The following ADARB1 variants were observed in gnomAD, a reference collection of about 807,000 sequenced individuals.
ADARB1 encodes the protein double-stranded RNA-specific editase 1.
A neutral mutation model predicts 52.4 loss-of-function variants in ADARB1; 10 were observed. That is an observed-to-expected ratio of 0.19 (90% CI 0.12 to 0.32). ADARB1 has a LOEUF of 0.32. ADARB1 is among the 10% of genes least tolerant of loss of function. The probability of loss-of-function intolerance (pLI) is 1.00; values close to 1 mark genes in which losing one functional copy is unlikely to be tolerated. For synonymous variants in ADARB1, 349 were observed against 371.1 expected (o/e 0.94, Z 0.68); for missense variants, 643 against 922.3 (o/e 0.70, Z 3.92).
chr21:45,127,646 C>T (rs2145826302), intron 1 of ADARB1, among the ~76,000 whole-genome samples: 1 of 152,244 alleles, frequency 6.6e-6, no homozygotes, highest in East Asian at 1.9e-4. Context: ...GAGCCACTTT[C>T]ACGCGCACCT....
At chr21:45,181,948 G>A (rs2091946916) in intron 5 of ADARB1, among the ~76,000 whole-genome samples, 1 of 152,250 alleles carries the variant, frequency 6.6e-6, no homozygotes, top group South Asian at 2.1e-4. Context: ...TGGTTCAGCT[G>A]CAGTGGATGC....
chr21:45,222,366 G>A lies in ADARB1; in HGVS notation c.*169G>A. 1 of 1,365,968 alleles carries A rather than the reference G, an allele frequency of 7.3e-7. No homozygotes were observed. Among genetic ancestry groups the A allele is most frequent in the African/African-American group, 1.5e-5 (1 of 67,050 alleles). The allele number at this position is 1,365,968 out of a possible 1,614,324, so 84.6% of individuals were successfully genotyped here. ...CCCAGCATCTCACATCAGACCTGGG[G>A]CAGGTGCGCAGTGTGGGGAGGGGAT... On this transcript the variant is annotated 3_prime_UTR_variant, in exon 11 of 11. Transcript: ENST00000348831.
chr21:45,205,370 G>A (rs944335243), intron 9 of ADARB1, among the ~76,000 whole-genome samples: 3 of 152,356 alleles, frequency 2.0e-5, no homozygotes, highest in South Asian at 2.1e-4. Context: ...ATTCATTCCT[G>A]TCTCAGCAGC....
At position 45,223,541 on chromosome 21, in the gene ADARB1, T is replaced by A; in HGVS notation, c.*1344T>A. ...CTGAGAGAAGTGCTCTGCCTGCCAGTGCAGTGCCCAGCTCCAAGGCTCTAG... is the reference window on the plus strand; with the variant it reads ...CTGAGAGAAGTGCTCTGCCTGCCAGAGCAGTGCCCAGCTCCAAGGCTCTAG... On this transcript the variant is annotated 3_prime_UTR_variant, in exon 11 of 11. Coordinates refer to ENST00000348831, the MANE Select transcript of ADARB1 (RefSeq NM_001112.4). 9.1e-6 allele frequency: 9 copies of A among 985,694 alleles called. No individual in the cohort carries two copies. The highest frequency in any genetic ancestry group is 1.1e-5 in the Non-Finnish European group (9 of 830,128). The allele number at this position is 985,694 out of a possible 1,614,324, so 61.1% of individuals were successfully genotyped here.
rs527910713 is a variant in ADARB1 at position 45,221,539 on chromosome 21, G to A, written c.1927-479G>A. Among the ~76,000 whole-genome samples the A allele has an allele frequency of 1.3e-5, 2 of 152,316 alleles. No homozygotes were observed. The highest frequency in any genetic ancestry group is 4.1e-4 in the South Asian group (2 of 4,826). On this transcript the variant is annotated intron_variant, in intron 10 of 10. Coordinates refer to ENST00000348831, the MANE Select transcript of ADARB1 (RefSeq NM_001112.4). This position sits in a 1 kb window ranked among gnomAD's most constrained non-coding sequence, Gnocchi z 4.9. ...TATTCTGAGACCAGCATTGTGCACT[G>A]GCATGGGAGGTATAGCCAGAAGGGA...
chr21:45,124,138 G>T (rs954718012), intron 1 of ADARB1, among the ~76,000 whole-genome samples: 6 of 152,036 alleles, frequency 3.9e-5, no homozygotes, highest in African/African-American at 1.2e-4. Context: ...ATGTTTGATC[G>T]CTTTAAAAAA....
chr21:45,122,502 AATTTGGAGTCATGCT>A (rs1180008665), intron 1 of ADARB1, among the ~76,000 whole-genome samples: 1 of 152,158 alleles, frequency 6.6e-6, no homozygotes, highest in African/African-American at 2.4e-5. Context: ...CAGCTTGACA[AATTTGGAGTCATGCT>A]ATTTTCAGAA....
intron 2 of ADARB1, among the ~76,000 whole-genome samples, chr21:45,160,053 ATAG>A (rs753599440): frequency 1.3e-5 from 2 of 152,226 alleles, no homozygotes; most frequent in Non-Finnish European, 2.9e-5. Context: ...ATTATCGATC[ATAG>A]TAGGCTGCTG....
chr21:45,184,077 A>G (rs538937825), intron 7 of ADARB1, among the ~76,000 whole-genome samples: 2 of 152,356 alleles, frequency 1.3e-5, no homozygotes, highest in East Asian at 3.9e-4. Context: ...TATAAAAGCA[A>G]CAGGCATACT....
At chr21:45,169,893 C>A (rs1259045781) in intron 2 of ADARB1, among the ~76,000 whole-genome samples, 2 of 152,218 alleles carry the variant, frequency 1.3e-5, no homozygotes, top group Non-Finnish European at 2.9e-5. Flanking sequence ...AGCATGTCCT[C>A]ATTTTTTGGC....
At chr21:45,161,753 A>G (rs1479356027) in intron 2 of ADARB1, among the ~76,000 whole-genome samples, 3 of 152,218 alleles carry the variant, frequency 2.0e-5, no homozygotes, top group Non-Finnish European at 4.4e-5. Context: ...TCAGTTCCAC[A>G]GACCGGAGTG....
rs117554094 is a variant in ADARB1 at position 45,119,458 on chromosome 21, A to G, written c.-219-8944A>G. On this transcript the variant is annotated intron_variant, in intron 1 of 10. Transcript: ENST00000348831. ...TTACCAGTAGCTGTTCTTGCTCTCC[A>G]GTGGAAATATCACTCAACATTATCA... 4.6e-5 allele frequency among the ~76,000 whole-genome samples: 7 copies of G among 152,322 alleles called. No individual in the cohort carries two copies. The East Asian group carries it at 1.2e-3, about 25-fold the overall frequency.
intron 1 of ADARB1, among the ~76,000 whole-genome samples, chr21:45,111,270 G>T (rs368843409): frequency 6.6e-6 from 1 of 152,158 alleles, no homozygotes; most frequent in African/African-American, 2.4e-5. Context: ...TTGTTTGGGC[G>T]TGCCTGTTTG....
chr21:45,090,044 TTACTC>T (rs1197549742), intron 1 of ADARB1, among the ~76,000 whole-genome samples: 7 of 152,210 alleles, frequency 4.6e-5, no homozygotes, highest in Non-Finnish European at 1.0e-4. Context: ...AAGTGTGACA[TTACTC>T]TAGTTGTTTT....
intron 1 of ADARB1, among the ~76,000 whole-genome samples, chr21:45,125,811 C>T (rs569922716): frequency 7.2e-5 from 11 of 152,172 alleles, no homozygotes; most frequent in Non-Finnish European, 1.2e-4. Context: ...GTGTACCTGC[C>T]GTTATATGTA....
At chr21:45,098,684 A>G (rs1194826356) in intron 1 of ADARB1, among the ~76,000 whole-genome samples, 1 of 152,238 alleles carries the variant, frequency 6.6e-6, no homozygotes, top group Non-Finnish European at 1.5e-5. Flanking sequence ...ATGATTAGGT[A>G]AAGTGTTCGT....
chr21:45,202,504 C>T (rs2092576525), intron 8 of ADARB1, among the ~76,000 whole-genome samples: 1 of 152,166 alleles, frequency 6.6e-6, no homozygotes, highest in East Asian at 1.9e-4. Context: ...CCAAATACAA[C>T]TGTGGGCATT....
rs1004310798 is a variant in ADARB1 at position 45,176,943 on chromosome 21, T to G, written c.963+279T>G. The stretch of plus-strand genomic sequence containing the variant: ...CAGTGTTTACAACACTATCCATAAC[T>G]CCCTTCCCGTTAGGCAACCCCCCCC... On this transcript the variant is annotated intron_variant, in intron 4 of 10. Coordinates refer to ENST00000348831, the MANE Select transcript of ADARB1 (RefSeq NM_001112.4). The surrounding 1 kb of genome is among the most constrained non-coding windows in gnomAD (Gnocchi z 5.8). The G allele has an allele frequency of 1.3e-5, 4 of 314,480 alleles. No homozygotes were observed. The highest frequency in any genetic ancestry group is 1.0e-4 in the East Asian group (2 of 19,840). The allele number at this position is 314,480 out of a possible 1,614,324, so 19.5% of individuals were successfully genotyped here.
chr21:45,210,128 T>C (rs906407679), intron 9 of ADARB1, among the ~76,000 whole-genome samples: 4 of 152,240 alleles, frequency 2.6e-5, no homozygotes, highest in Admixed American at 6.5e-5. Flanking sequence ...TTGGGGCTCG[T>C]CATCTCTGTT....
Sources: allele counts gnomAD v4.1 joint callset (sites outside exome capture counted in the v4.1 genomes callset), GRCh38; gene constraint gnomAD v4.1.1; non-coding constraint Gnocchi (gnomAD v3.1); transcripts MANE v1.5; gene names NCBI Gene and HGNC (gene_info 2026-07-23, HGNC 2026-07-21).